The following IQCB1 variants were observed in gnomAD, a reference collection of about 807,000 sequenced individuals.
IQCB1 encodes the protein IQ motif containing B1.
Under a neutral mutation model 84.4 loss-of-function variants are expected in IQCB1, and 56 were observed. The observed-to-expected ratio is 0.66, with a 90% CI of 0.54 to 0.83. The LOEUF is 0.83. Ranked by LOEUF, IQCB1 falls within the 40% of genes least tolerant of loss-of-function variation. IQCB1 has a pLI of 0.00. For synonymous variants in IQCB1, 210 were observed against 234.8 expected, an observed-to-expected ratio of 0.89 and a Z score of 0.96; for missense variants, 629 against 682.1, an observed-to-expected ratio of 0.92 and a Z score of 0.87.
chr3:121,815,594 G>A (rs181641393), intron 5 of IQCB1, among the ~76,000 whole-genome samples: 1 of 152,036 alleles, frequency 6.6e-6, no homozygotes, highest in Admixed American at 6.5e-5. Context: ...AAAATCACAA[G>A]CATTCCTATA....
chr3:121,797,008 G>A (rs1443635642), intron 9 of IQCB1, 110 bp downstream of exon 9: 5 of 736,634 alleles, frequency 6.8e-6, no homozygotes, highest in Non-Finnish European at 9.8e-6. Flanking sequence ...TGTTTTGGGG[G>A]TATTTTGCTT....
At chr3:121,775,285 T>C (rs1449212448) in intron 13 of IQCB1, among the ~76,000 whole-genome samples, 1 of 151,816 alleles carries the variant, frequency 6.6e-6, no homozygotes, top group African/African-American at 2.4e-5. Context: ...CATGGAATAC[T>C]ATGCAGCCAT....
intron 10 of IQCB1, among the ~76,000 whole-genome samples, chr3:121,793,965 T>C (rs1949087120): frequency 6.6e-6 from 1 of 152,102 alleles, no homozygotes; most frequent in African/African-American, 2.4e-5. Flanking sequence ...AAATTTAAGA[T>C]GACAGGTAAC....
rs888687933 is a variant in IQCB1, at chr3:121,789,932, T to G, written c.1129+141A>C. ...AGTAACCGTTTTTGAACTCAGAAGA[T>G]CTAATAAAGTTTATCTGAAAAACAG... is the stretch of plus-strand genomic sequence containing the variant. On this transcript the variant is annotated intron_variant, in intron 11 of 14. Coordinates refer to ENST00000310864, the MANE Select transcript of IQCB1 (RefSeq NM_001023570.4). 5 of 715,654 alleles carry G rather than the reference T, an allele frequency of 7.0e-6. No homozygotes were observed. The African/African-American group carries it at 7.1e-5, about 10-fold the overall frequency. The allele number at this position is 715,654 out of a possible 1,614,324, so 44.3% of individuals were successfully genotyped here.
intron 11 of IQCB1, 104 bp downstream of exon 11, chr3:121,789,969 A>C (rs1048501861): frequency 2.0e-6 from 2 of 996,602 alleles, no homozygotes; most frequent in Non-Finnish European, 3.2e-6. Flanking sequence ...GAAAAAGGAC[A>C]AAAGTCCAAA....
intron 12 of IQCB1, among the ~76,000 whole-genome samples, chr3:121,785,215 G>A (rs1004028752): frequency 4.0e-5 from 6 of 151,788 alleles, no homozygotes; most frequent in African/African-American, 1.2e-4. Flanking sequence ...CTTCCTGAGG[G>A]ACACACTCAT....
At chr3:121,799,920 GGTTA>G (rs1217504529) in intron 7 of IQCB1, among the ~76,000 whole-genome samples, 1 of 151,762 alleles carries the variant, frequency 6.6e-6, no homozygotes, top group African/African-American at 2.4e-5. Context: ...AAAAGGAAAG[GGTTA>G]GTGAGTATCC....
chr3:121,777,225 A>ACTGTATATCT (rs1180035406), intron 13 of IQCB1, among the ~76,000 whole-genome samples: 1 of 152,200 alleles, frequency 6.6e-6, no homozygotes, highest in African/African-American at 2.4e-5. Flanking sequence ...TTCTGCATTA[A>ACTGTATATCT]CTGTATATCT....
chr3:121,771,287 G>C (rs1466331209), intron 14 of IQCB1, among the ~76,000 whole-genome samples: 1 of 151,856 alleles, frequency 6.6e-6, no homozygotes, highest in African/African-American at 2.4e-5. Context: ...TGTGTTTAAA[G>C]GAATTTAAAA....
chr3:121,808,890 A>T, intron 6 of IQCB1, 26 bp downstream of exon 6: 1 of 1,334,792 alleles, frequency 7.5e-7, no homozygotes, highest in Non-Finnish European at 1.1e-6. Context: ...AATAGCTATT[A>T]GTTACATTAA....
chr3:121,826,692 CAGA>C (rs1003830327), intron 4 of IQCB1, among the ~76,000 whole-genome samples: 11 of 152,102 alleles, frequency 7.2e-5, no homozygotes, highest in Non-Finnish European at 1.5e-4. Context: ...TTCCTTATAT[CAGA>C]AGGACAAACG....
At chr3:121,777,641 A>C (rs187859349) in intron 13 of IQCB1, among the ~76,000 whole-genome samples, 66 of 152,254 alleles carry the variant, frequency 4.3e-4, no homozygotes, top group Non-Finnish European at 4.1e-4. Context: ...TCCTGGCATC[A>C]TTTTAAACAG....
intron 5 of IQCB1, among the ~76,000 whole-genome samples, chr3:121,815,641 T>C (rs1950022230): frequency 6.6e-6 from 1 of 152,002 alleles, no homozygotes; most frequent in Non-Finnish European, 1.5e-5. Context: ...AAATCATAAG[T>C]GAATTCCCAT....
At chr3:121,810,854 T>A (rs1324017171) in intron 5 of IQCB1, among the ~76,000 whole-genome samples, 1 of 152,174 alleles carries the variant, frequency 6.6e-6, no homozygotes, top group East Asian at 1.9e-4. Flanking sequence ...CTAACCTGAA[T>A]TAAACTAAAT....
intron 5 of IQCB1, among the ~76,000 whole-genome samples, chr3:121,825,597 C>T (rs1321115623): frequency 4.6e-5 from 7 of 152,016 alleles, no homozygotes; most frequent in Non-Finnish European, 7.4e-5. Context: ...TAGCATCTAG[C>T]ATAATGCAAC....
chr3:121,813,815 A>G (rs537000847), intron 5 of IQCB1, among the ~76,000 whole-genome samples: 2 of 152,292 alleles, frequency 1.3e-5, no homozygotes, highest in Admixed American at 1.3e-4. Flanking sequence ...CTCCCACACA[A>G]TAATAGTGAG....
Position 121,824,911 on chromosome 3 carries a change from G to A in IQCB1, c.393+1140C>T, listed in dbSNP as rs554528306. 2.0e-5 allele frequency among the ~76,000 whole-genome samples: 3 copies of A among 152,226 alleles called. No homozygotes were observed. The South Asian group carries it at 6.2e-4, about 32-fold the overall frequency. On this transcript the variant is annotated intron_variant, in intron 5 of 14. Transcript: ENST00000310864. ...TTATAGAACATTACATACAACTGCA[G>A]AGTTCACATTTGGGTATACAAGTAG...
intron 5 of IQCB1, among the ~76,000 whole-genome samples, chr3:121,813,811 C>T (rs188885762): frequency 4.6e-5 from 7 of 152,276 alleles, no homozygotes; most frequent in Non-Finnish European, 1.0e-4. Context: ...TAGACTCCCA[C>T]ACAATAATAG....
intron 5 of IQCB1, among the ~76,000 whole-genome samples, chr3:121,819,399 A>G (rs899092439): frequency 3.3e-5 from 5 of 152,148 alleles, no homozygotes; most frequent in African/African-American, 1.2e-4. Flanking sequence ...AATGTGAGCA[A>G]TGGGGAGTGG....
Sources: gnomAD v4.1 joint callset for allele counts (sites outside exome capture counted in the v4.1 genomes callset) on GRCh38, gnomAD v4.1.1 for gene constraint, MANE v1.5 for transcripts, NCBI Gene and HGNC (gene_info 2026-07-23, HGNC 2026-07-21) for gene names.